Variants in PRKCA observed in about 807,000 individuals in gnomAD.
The protein encoded by PRKCA is protein kinase C alpha.
Under a neutral mutation model 87.0 loss-of-function variants are expected in PRKCA, and 27 were observed. That is an observed-to-expected ratio of 0.31 (90% CI 0.23 to 0.43). The LOEUF (loss-of-function observed/expected upper bound fraction) is 0.43, where lower values mean the gene tolerates loss of function less well. PRKCA is among the 20% of genes least tolerant of loss of function. The pLI, the probability that PRKCA is intolerant of heterozygous loss-of-function variation, is 1.00. For synonymous variants in PRKCA, 329 were observed against 311.1 expected, an observed-to-expected ratio of 1.06 and a Z score of -0.61; for missense variants, 518 against 852.3, an observed-to-expected ratio of 0.61 and a Z score of 4.88.
intron 10 of PRKCA, among the ~76,000 whole-genome samples, chr17:66,738,029 A>G (rs1974075867): frequency 1.3e-5 from 2 of 152,190 alleles, no homozygotes; most frequent in South Asian, 4.1e-4. Flanking sequence ...AGCAGAGGTC[A>G]TTATTTCACT....
intron 2 of PRKCA, among the ~76,000 whole-genome samples, chr17:66,385,181 T>C (rs1000315095): frequency 2.6e-5 from 4 of 152,192 alleles, no homozygotes; most frequent in African/African-American, 9.7e-5. Context: ...CTCAACTCCT[T>C]CCTTCCCTTG....
intron 2 of PRKCA, among the ~76,000 whole-genome samples, chr17:66,329,059 T>C (rs1906165391): frequency 1.3e-5 from 2 of 152,126 alleles, no homozygotes; most frequent in East Asian, 3.8e-4. Flanking sequence ...TAACTAGAAG[T>C]GGGCAAGAAT....
chr17:66,614,809 A>G (rs908019955), intron 3 of PRKCA, among the ~76,000 whole-genome samples: 1 of 152,222 alleles, frequency 6.6e-6, no homozygotes, highest in African/African-American at 2.4e-5. Context: ...GGGTTTAGGG[A>G]TACATGTGTC....
At chr17:66,455,253 G>A (rs532923100) in intron 2 of PRKCA, among the ~76,000 whole-genome samples, 14 of 152,118 alleles carry the variant, frequency 9.2e-5, no homozygotes, top group African/African-American at 2.7e-4. Context: ...GTTCTTTTTG[G>A]CAAGAAAAGT....
At chr17:66,566,316 G>A (rs1968887473) in intron 3 of PRKCA, among the ~76,000 whole-genome samples, 1 of 152,096 alleles carries the variant, frequency 6.6e-6, no homozygotes. Context: ...GGTTTTATCA[G>A]TCCAGAAGTG....
intron 3 of PRKCA, among the ~76,000 whole-genome samples, chr17:66,610,319 A>T (rs577601323): frequency 6.6e-6 from 1 of 152,332 alleles, no homozygotes; most frequent in Admixed American, 6.5e-5. Context: ...ACCCACCATC[A>T]ACAGAGCTTT....
At chr17:66,785,986 G>A (rs767951452) in intron 14 of PRKCA, among the ~76,000 whole-genome samples, 30 of 152,188 alleles carry the variant, frequency 2.0e-4, no homozygotes, top group Non-Finnish European at 3.4e-4. Context: ...TCGCCACCAT[G>A]CCCGGCTAAT....
intron 2 of PRKCA, among the ~76,000 whole-genome samples, chr17:66,356,645 AAAC>A (rs980735056): frequency 8.4e-4 from 128 of 152,308 alleles, no homozygotes; most frequent in African/African-American, 3.0e-3. Flanking sequence ...AACAAAAACA[AAAC>A]AAACAAAACA....
chr17:66,641,649 A>G (rs1971299809), intron 4 of PRKCA, among the ~76,000 whole-genome samples, 183 bp downstream of exon 4: 1 of 152,026 alleles, frequency 6.6e-6, no homozygotes, highest in Non-Finnish European at 1.5e-5. Flanking sequence ...TTATTGAACT[A>G]CTTGATTGCC....
At chr17:66,651,243 C>G (rs1025751834) in intron 5 of PRKCA, among the ~76,000 whole-genome samples, 1 of 152,172 alleles carries the variant, frequency 6.6e-6, no homozygotes, top group African/African-American at 2.4e-5. Flanking sequence ...TGTTTCTTTC[C>G]ATTTTCAAAG....
At chr17:66,698,846 T>G (rs915677936) in intron 8 of PRKCA, among the ~76,000 whole-genome samples, 161 of 147,466 alleles carry the variant, frequency 1.1e-3, no homozygotes, top group African/African-American at 3.8e-3. Flanking sequence ...ATAGGTGTAG[T>G]GGTGCATGCC....
intron 2 of PRKCA, among the ~76,000 whole-genome samples, chr17:66,413,405 G>T (rs1021981620): frequency 2.6e-5 from 4 of 152,132 alleles, no homozygotes; most frequent in Non-Finnish European, 4.4e-5. Flanking sequence ...CCAGGAGCTT[G>T]TCTGTTATGT....
intron 3 of PRKCA, among the ~76,000 whole-genome samples, chr17:66,553,633 G>C (rs1968409290): frequency 6.6e-6 from 1 of 152,204 alleles, no homozygotes; most frequent in African/African-American, 2.4e-5. Flanking sequence ...TGGATCACTT[G>C]CTCTGGGGAA....
rs533439625 is a variant in PRKCA, at chr17:66,760,205, T to A, written c.1525-13782T>A. Among the ~76,000 whole-genome samples, 11 of 152,312 alleles carry A rather than the reference T, an allele frequency of 7.2e-5. No homozygotes were observed. The South Asian group carries it at 2.3e-3, about 32-fold the overall frequency. On this transcript the variant is annotated intron_variant, in intron 13 of 16. Coordinates refer to ENST00000413366, the MANE Select transcript of PRKCA (RefSeq NM_002737.3). The stretch of plus-strand genomic sequence containing the variant: ...ACTGAAAATAATAGAAACCATGCAG[T>A]GTCTTCTCTCAGACCACAATAGACC...
intron 2 of PRKCA, among the ~76,000 whole-genome samples, chr17:66,431,166 T>A (rs1913079099): frequency 6.6e-6 from 1 of 152,208 alleles, no homozygotes; most frequent in Admixed American, 6.5e-5. Flanking sequence ...TTTACTGTCC[T>A]TCTGATGGGA....
At chr17:66,798,518 ACGG>A (rs1330821061) in intron 16 of PRKCA, among the ~76,000 whole-genome samples, 1 of 514 alleles carries the variant, frequency 1.9e-3, no homozygotes, top group African/African-American at 0.013. Flanking sequence ...GACGGTGGTG[ACGG>A]TGGTGGTGAT....
At chr17:66,787,304 C>T (rs897384073) in intron 15 of PRKCA, 3 of 417,974 alleles carry the variant, frequency 7.2e-6, no homozygotes, top group African/African-American at 4.1e-5. Context: ...GTGAACACAC[C>T]ATCGTTTCCT....
chr17:66,434,778 C>G (rs1913286100), intron 2 of PRKCA, among the ~76,000 whole-genome samples: 1 of 152,300 alleles, frequency 6.6e-6, no homozygotes, highest in Non-Finnish European at 1.5e-5. Context: ...AGAATGATAG[C>G]ACCCCAGCAG....
At chr17:66,779,226 G>A (rs1975142581) in intron 14 of PRKCA, among the ~76,000 whole-genome samples, 1 of 152,130 alleles carries the variant, frequency 6.6e-6, no homozygotes. Flanking sequence ...AAGATGAGCA[G>A]GAAAAAAATA....
Sources: allele counts gnomAD v4.1 joint callset (sites outside exome capture counted in the v4.1 genomes callset), GRCh38; gene constraint gnomAD v4.1.1; transcripts MANE v1.5; gene names NCBI Gene and HGNC (gene_info 2026-07-23, HGNC 2026-07-21).